PDCD1LG2: variants seen among roughly 807,000 people sequenced by gnomAD.
PDCD1LG2 encodes B7 dendritic cell molecule.
Under a neutral mutation model 28.2 loss-of-function variants are expected in PDCD1LG2, and 32 were observed. The observed-to-expected ratio is 1.13, with a 90% CI of 0.86 to 1.52. The LOEUF (loss-of-function observed/expected upper bound fraction) is 1.52. PDCD1LG2 is among the 40% of genes most tolerant of loss of function. PDCD1LG2 has a pLI of 0.00. For missense variants in PDCD1LG2, 385 were observed against 323.8 expected, an observed-to-expected ratio of 1.19 and a Z score of -1.45; for synonymous variants, 116 against 120.2, an observed-to-expected ratio of 0.97 and a Z score of 0.23.
At chr9:5,559,759 T>A (rs1281461908) in intron 5 of PDCD1LG2, among the ~76,000 whole-genome samples, 1 of 152,210 alleles carries the variant, frequency 6.6e-6, no homozygotes, top group African/African-American at 2.4e-5. Flanking sequence ...ATCTACCATG[T>A]GTCCTCTGTC....
At chr9:5,537,374 A>G (rs1301551472) in intron 3 of PDCD1LG2, among the ~76,000 whole-genome samples, 2 of 152,246 alleles carry the variant, frequency 1.3e-5, no homozygotes, top group African/African-American at 2.4e-5. Context: ...TATCCATCTT[A>G]TTAAGGGACA....
Position 5,569,804 on chromosome 9 carries a change from A to G in PDCD1LG2, c.817-150A>G. ...TAGGGCAATGGTAAAAACTGTGGAAAGAAGTTTTAAATGAAAAGTTTTAAA... is the reference window on the plus strand; with the variant it reads ...TAGGGCAATGGTAAAAACTGTGGAAGGAAGTTTTAAATGAAAAGTTTTAAA... On this transcript the variant is annotated intron_variant, in intron 6 of 6. Coordinates refer to ENST00000397747, the MANE Select transcript of PDCD1LG2 (RefSeq NM_025239.4). This position sits in a 1 kb window ranked among gnomAD's most constrained non-coding sequence, Gnocchi z 4.1. 1.4e-6 allele frequency: 1 copy of G among 739,018 alleles called. No homozygotes were observed. The highest frequency in any genetic ancestry group is 2.7e-5 in the East Asian group (1 of 37,426). The allele number at this position is 739,018 out of a possible 1,614,324, so 45.8% of individuals were successfully genotyped here.
At chr9:5,546,441 TGA>T (rs905352717) in intron 3 of PDCD1LG2, among the ~76,000 whole-genome samples, 2 of 152,008 alleles carry the variant, frequency 1.3e-5, no homozygotes, top group African/African-American at 4.8e-5. Context: ...TAATACAAAA[TGA>T]GAGATAAAGT....
chr9:5,521,913 G>A (rs772593965), intron 1 of PDCD1LG2, among the ~76,000 whole-genome samples: 1 of 152,180 alleles, frequency 6.6e-6, no homozygotes, highest in African/African-American at 2.4e-5. Context: ...GGGAGGTACA[G>A]CAGGACCAAG....
At chr9:5,518,040 G>A (rs1199282374) in intron 1 of PDCD1LG2, among the ~76,000 whole-genome samples, 4 of 152,230 alleles carry the variant, frequency 2.6e-5, no homozygotes, top group Admixed American at 6.5e-5. Flanking sequence ...AACAGGACTA[G>A]GGGATGGGCC....
At chr9:5,550,086 A>G (rs1222144772) in intron 4 of PDCD1LG2, among the ~76,000 whole-genome samples, 1 of 152,244 alleles carries the variant, frequency 6.6e-6, no homozygotes, top group Non-Finnish European at 1.5e-5. Context: ...GAGAGGAAAC[A>G]GAAAATATCT....
intron 4 of PDCD1LG2, 22 bp from the exon 5 acceptor site, chr9:5,557,596 C>T (rs2129920270): frequency 6.2e-7 from 1 of 1,613,638 alleles, no homozygotes; most frequent in Non-Finnish European, 8.5e-7. Flanking sequence ...TAACAGGATT[C>T]TGGTGCTTTT....
In PDCD1LG2 at chr9:5,549,477, G is replaced by A. The variant is rs1816279494; in HGVS notation, c.504G>A (p.Arg168=). The change falls in exon 4 of 7, where the codon AGG becomes AGA. Residue 168 remains arginine (R), a synonymous_variant. Coordinates refer to ENST00000397747, the MANE Select transcript of PDCD1LG2 (RefSeq NM_025239.4). The part of the protein sequence containing the change: ...VSVPANTSHS[R]TPEGLYQVTS... Reference sequence around the variant, plus strand: ...TTCCTGCCAACACCAGCCACTCCAGGACCCCTGAAGGCCTCTACCAGGTCA... The same window carrying A: ...TTCCTGCCAACACCAGCCACTCCAGAACCCCTGAAGGCCTCTACCAGGTCA... 2 of 1,614,130 alleles carry A rather than the reference G, an allele frequency of 1.2e-6. No homozygotes were observed. The highest frequency in any genetic ancestry group is 1.3e-5 in the African/African-American group (1 of 75,020).
At chr9:5,514,882 T>C (rs73641634) in intron 1 of PDCD1LG2, among the ~76,000 whole-genome samples, 1,829 of 152,192 alleles carry the variant, frequency 0.012, 42 homozygotes, top group African/African-American at 0.042. Context: ...CTGCAGACAT[T>C]TGCTTGGGAA....
rs760628532 is a variant in PDCD1LG2, at chr9:5,549,618, C to G, written c.631+14C>G. On this transcript the variant is annotated intron_variant, in intron 4 of 6. Coordinates refer to ENST00000397747, the MANE Select transcript of PDCD1LG2 (RefSeq NM_025239.4). ...TTGACCTTCAAAGTAAGAGCTGCCC[C>G]CACTTCCTAGGTCTATCAGTTAGGG... 1.2e-6 allele frequency: 2 copies of G among 1,613,682 alleles called. No individual in the cohort carries two copies. The highest frequency in any genetic ancestry group is 1.7e-5 in the Admixed American group (1 of 60,002).
Position 5,534,907 on chromosome 9 carries a change from C to A in PDCD1LG2, c.218C>A (p.Ala73Asp), listed in dbSNP as rs2129794260. The change falls in exon 3 of 7, where the codon GCC becomes GAC. Residue 73 changes from alanine to aspartate, a missense_variant. Physicochemically the swap from Ala to Asp is moderately radical, Grantham distance 126. Transcript: ENST00000397747. ...GATACATCCCCACACCGTGAAAGAG[C>A]CACTTTGCTGGAGGAGCAGCTGCCC... ...ENDTSPHRERATLLEEQLPLG... is the reference protein window; with the variant it reads ...ENDTSPHRERDTLLEEQLPLG... 1.2e-6 allele frequency: 2 copies of A among 1,614,106 alleles called. No individual in the cohort carries two copies. The highest frequency in any genetic ancestry group is 1.7e-6 in the Non-Finnish European group (2 of 1,180,014).
chr9:5,533,874 T>C (rs1216685676), intron 2 of PDCD1LG2, among the ~76,000 whole-genome samples: 1 of 151,284 alleles, frequency 6.6e-6, no homozygotes, highest in Non-Finnish European at 1.5e-5. Context: ...ATGTTTTCAG[T>C]ATTAAACAAT....
intron 5 of PDCD1LG2, among the ~76,000 whole-genome samples, chr9:5,560,413 C>T (rs1014096858): frequency 6.6e-6 from 1 of 152,226 alleles, no homozygotes; most frequent in Non-Finnish European, 1.5e-5. Flanking sequence ...AATCTCTGGT[C>T]CTTCCAGATG....
intron 3 of PDCD1LG2, among the ~76,000 whole-genome samples, chr9:5,543,087 A>G (rs572666146): frequency 1.3e-5 from 2 of 152,298 alleles, no homozygotes; most frequent in East Asian, 3.9e-4. Flanking sequence ...GGAATTAGAG[A>G]CTATTATTCT....
At chr9:5,561,486 G>A (rs1003571300) in intron 5 of PDCD1LG2, among the ~76,000 whole-genome samples, 2 of 152,190 alleles carry the variant, frequency 1.3e-5, no homozygotes, top group African/African-American at 4.8e-5. Flanking sequence ...AAAACTTGTG[G>A]CCTATTTGTT....
intron 5 of PDCD1LG2, among the ~76,000 whole-genome samples, chr9:5,558,801 G>A (rs1404390454): frequency 3.3e-5 from 5 of 152,138 alleles, no homozygotes; most frequent in African/African-American, 1.2e-4. Flanking sequence ...GACAGAGGGA[G>A]GGAAGAAGAT....
chr9:5,552,513 C>T (rs551364596), intron 4 of PDCD1LG2, among the ~76,000 whole-genome samples: 13 of 152,196 alleles, frequency 8.5e-5, no homozygotes, highest in African/African-American at 2.4e-4. Flanking sequence ...CTGGTACAGA[C>T]GTAGAACATG....
chr9:5,550,990 GC>G (rs1246031155), intron 4 of PDCD1LG2, among the ~76,000 whole-genome samples: 3 of 152,130 alleles, frequency 2.0e-5, no homozygotes, highest in Admixed American at 1.3e-4. Context: ...ATCATGATCA[GC>G]CACATCTCTT....
At chr9:5,533,848 A>C (rs1820529636) in intron 2 of PDCD1LG2, among the ~76,000 whole-genome samples, 1 of 151,550 alleles carries the variant, frequency 6.6e-6, no homozygotes, top group Non-Finnish European at 1.5e-5. Context: ...ATAATGACAA[A>C]ACAGGTTTCA....
Sources: allele counts gnomAD v4.1 joint callset (sites outside exome capture counted in the v4.1 genomes callset), GRCh38; gene constraint gnomAD v4.1.1; non-coding constraint Gnocchi (gnomAD v3.1); transcripts MANE v1.5; gene names NCBI Gene and HGNC (gene_info 2026-07-23, HGNC 2026-07-21).